Variants in GALNTL6 observed in about 807,000 individuals in gnomAD.
The protein encoded by GALNTL6 is polypeptide N-acetylgalactosaminyltransferase-like 6.
GALNTL6 carries 46 observed loss-of-function variants against 73.7 expected under a neutral mutation model. That is an observed-to-expected ratio of 0.62 (90% CI 0.49 to 0.80). The LOEUF (loss-of-function observed/expected upper bound fraction) is 0.80. Ranked by LOEUF, GALNTL6 falls within the 30% of genes least tolerant of loss-of-function variation. GALNTL6 has a pLI of 0.00. For missense variants in GALNTL6, 604 were observed against 755.0 expected, an observed-to-expected ratio of 0.80 and a Z score of 2.34; for synonymous variants, 259 against 263.7, an observed-to-expected ratio of 0.98 and a Z score of 0.17.
At chr4:172,461,561 C>G (rs1032136795) in intron 5 of GALNTL6, among the ~76,000 whole-genome samples, 4 of 152,142 alleles carry the variant, frequency 2.6e-5, no homozygotes, top group Admixed American at 1.3e-4. Flanking sequence ...TGCAGGGGAA[C>G]AGTGTTTCAC....
In GALNTL6 at chr4:171,950,482, CT is replaced by C. The variant is rs149650644; in HGVS notation, c.138+135780del. ...TGAGCAAAGTAAAATCTTTTCTTTTCTTTTTTTTTTTTTTTTGAGATGAAGT... is the reference window on the plus strand; with the variant it reads ...TGAGCAAAGTAAAATCTTTTCTTTTCTTTTTTTTTTTTTTTGAGATGAAGT... On this transcript the variant is annotated intron_variant, in intron 2 of 12. Coordinates refer to ENST00000506823, the MANE Select transcript of GALNTL6 (RefSeq NM_001034845.3). Among the ~76,000 whole-genome samples, 237 of 141,428 alleles carry C rather than the reference CT, an allele frequency of 1.7e-3. 1 individual carries two copies. The highest frequency in any genetic ancestry group is 5.8e-3 in the African/African-American group (223 of 38,678). 92.8% of individuals were successfully genotyped at this position (141,428 alleles called of 152,430 possible).
At chr4:172,101,695 G>C (rs982782239) in intron 2 of GALNTL6, among the ~76,000 whole-genome samples, 1 of 151,774 alleles carries the variant, frequency 6.6e-6, no homozygotes, top group Admixed American at 6.6e-5. Context: ...TGAATATTTT[G>C]AGATTTTAAT....
At chr4:172,307,560 GTTC>G (rs1740186039) in intron 3 of GALNTL6, among the ~76,000 whole-genome samples, 1 of 152,068 alleles carries the variant, frequency 6.6e-6, no homozygotes, top group Non-Finnish European at 1.5e-5. Context: ...ATCCAGTTTT[GTTC>G]TTCTATATGT....
intron 2 of GALNTL6, among the ~76,000 whole-genome samples, chr4:171,979,694 G>A (rs1359929979): frequency 6.6e-6 from 1 of 152,216 alleles, no homozygotes; most frequent in South Asian, 2.1e-4. Flanking sequence ...CCAGAAGAAG[G>A]AGGGGCTATA....
intron 5 of GALNTL6, among the ~76,000 whole-genome samples, chr4:172,426,953 C>T (rs1215235914): frequency 1.3e-5 from 2 of 151,406 alleles, no homozygotes; most frequent in African/African-American, 4.9e-5. Context: ...TACATTATCT[C>T]GTATTCTGTG....
At chr4:172,788,787 CA>C (rs1045595846) in intron 5 of GALNTL6, among the ~76,000 whole-genome samples, 4 of 151,318 alleles carry the variant, frequency 2.6e-5, no homozygotes, top group African/African-American at 9.7e-5. Flanking sequence ...GAGAAGCCAA[CA>C]AGAGGTGGTG....
chr4:172,111,653 T>C (rs947024422), intron 2 of GALNTL6, among the ~76,000 whole-genome samples: 2 of 152,100 alleles, frequency 1.3e-5, no homozygotes, highest in African/African-American at 2.4e-5. Flanking sequence ...ATTGCATTTT[T>C]ACAACTACAG....
intron 2 of GALNTL6, among the ~76,000 whole-genome samples, chr4:171,928,243 T>C (rs1405361874): frequency 6.6e-6 from 1 of 152,222 alleles, no homozygotes. Flanking sequence ...TATTAACTCA[T>C]GGAATCCTCA....
intron 2 of GALNTL6, among the ~76,000 whole-genome samples, chr4:172,014,629 G>A (rs1741128876): frequency 6.6e-6 from 1 of 151,896 alleles, no homozygotes; most frequent in Non-Finnish European, 1.5e-5. Flanking sequence ...AGTTACTTGA[G>A]GTGTGGCGTC....
intron 2 of GALNTL6, among the ~76,000 whole-genome samples, chr4:171,868,134 G>A (rs902316207): frequency 4.6e-5 from 7 of 151,756 alleles, no homozygotes; most frequent in Non-Finnish European, 5.9e-5. Context: ...CTGCAGGTGT[G>A]TATCACCAAG....
At chr4:171,825,638 T>C (rs1478625300) in intron 2 of GALNTL6, among the ~76,000 whole-genome samples, 3 of 152,150 alleles carry the variant, frequency 2.0e-5, no homozygotes, top group Non-Finnish European at 1.5e-5. Flanking sequence ...AACCAATAGA[T>C]AGAGTTCAAG....
At chr4:172,465,644 GC>G (rs1446185520) in intron 5 of GALNTL6, among the ~76,000 whole-genome samples, 1 of 152,212 alleles carries the variant, frequency 6.6e-6, no homozygotes, top group East Asian at 1.9e-4. Context: ...CTCCAAACAT[GC>G]CACCCAACTA....
chr4:171,858,763 A>G (rs1359816257), intron 2 of GALNTL6, among the ~76,000 whole-genome samples: 1 of 152,174 alleles, frequency 6.6e-6, no homozygotes, highest in East Asian at 1.9e-4. Flanking sequence ...GAATGCTTAC[A>G]GGTTCAAAAT....
rs138473858 is a variant in GALNTL6, at chr4:172,963,827, G to A, written c.1371+11569G>A. The stretch of plus-strand genomic sequence containing the variant: ...AGTTAAACAAGTTACAAAATATTCC[G>A]TTCTGACATCCTATGGGGAAGAAGG... On this transcript the variant is annotated intron_variant, in intron 10 of 12. Coordinates refer to ENST00000506823, the MANE Select transcript of GALNTL6 (RefSeq NM_001034845.3). Among the ~76,000 whole-genome samples, 5 of 152,282 alleles carry A rather than the reference G, an allele frequency of 3.3e-5. No homozygotes were observed. The Middle Eastern group carries it at 0.01, about 311-fold the overall frequency.
At chr4:172,581,816 C>CCTGTAGCCTG (rs1737202067) in intron 5 of GALNTL6, among the ~76,000 whole-genome samples, 1 of 152,170 alleles carries the variant, frequency 6.6e-6, no homozygotes, top group Admixed American at 6.5e-5. Context: ...TCCCACCTCT[C>CCTGTAGCCTG]CTGTAGCCTG....
At position 172,779,404 on chromosome 4, in the gene GALNTL6, T is replaced by A. The variant is rs1396747372; in HGVS notation, c.554-29957T>A. The stretch of plus-strand genomic sequence containing the variant: ...ACAGCACTGCCCAGCCCAGTCAGCG[T>A]GCTTATCGGCAGGGAGGGGTTCTGC... On this transcript the variant is annotated intron_variant, in intron 5 of 12. Transcript: ENST00000506823. 4.6e-5 allele frequency among the ~76,000 whole-genome samples: 7 copies of A among 152,116 alleles called. No homozygotes were observed. The South Asian group carries it at 1.5e-3, about 32-fold the overall frequency.
intron 5 of GALNTL6, among the ~76,000 whole-genome samples, chr4:172,807,808 A>ATTTG (rs1217810999): frequency 6.6e-6 from 1 of 152,004 alleles, no homozygotes; most frequent in Non-Finnish European, 1.5e-5. Flanking sequence ...TCCCATCTGT[A>ATTTG]TTTGTTTGTT....
chr4:171,948,752 A>G (rs929836207), intron 2 of GALNTL6, among the ~76,000 whole-genome samples: 11 of 152,110 alleles, frequency 7.2e-5, no homozygotes, highest in Admixed American at 6.5e-4. Context: ...TCTTCCATCA[A>G]TGACTGTTTC....
At chr4:172,184,497 C>T (rs1338790887) in intron 2 of GALNTL6, among the ~76,000 whole-genome samples, 1 of 151,998 alleles carries the variant, frequency 6.6e-6, no homozygotes, top group Non-Finnish European at 1.5e-5. Flanking sequence ...TAAAATCATC[C>T]TTTTTGATAA....
Sources: allele counts gnomAD v4.1 joint callset (sites outside exome capture counted in the v4.1 genomes callset), GRCh38; gene constraint gnomAD v4.1.1; transcripts MANE v1.5; gene names NCBI Gene and HGNC (gene_info 2026-07-23, HGNC 2026-07-21).